TRIM33: variants seen among roughly 807,000 people sequenced by gnomAD.
TRIM33 encodes the protein tripartite motif containing 33, also known as E3 ubiquitin-protein ligase TRIM33.
TRIM33 carries 20 observed loss-of-function variants against 125.4 expected under a neutral mutation model. The observed-to-expected ratio is 0.16, with a 90% CI of 0.11 to 0.23. The LOEUF (loss-of-function observed/expected upper bound fraction) is 0.23. Ranked by LOEUF, TRIM33 falls within the 10% of genes least tolerant of loss-of-function variation. The pLI is 1.00. For synonymous variants in TRIM33, 564 were observed against 513.9 expected (o/e 1.10, Z -1.32); for missense variants, 920 against 1,411.4 (o/e 0.65, Z 5.58).
Position 114,397,558 on chromosome 1 carries a change from G to A in TRIM33, c.*90C>T, listed in dbSNP as rs1166155094. 7.3e-6 allele frequency: 7 copies of A among 963,984 alleles called. No homozygotes were observed. Among genetic ancestry groups the A allele is most frequent in the Non-Finnish European group, 1.1e-5 (7 of 647,962 alleles). The allele number at this position is 963,984 out of a possible 1,614,324, so 59.7% of individuals were successfully genotyped here. ...TGCCCACTGTAGGCAGGATATTCCA[G>A]CAACACTTAAAAGTTTTCTGGGTTT... is the stretch of plus-strand genomic sequence containing the variant. On this transcript the variant is annotated 3_prime_UTR_variant, in exon 20 of 20. Transcript: ENST00000358465.
intron 11 of TRIM33, among the ~76,000 whole-genome samples, chr1:114,419,305 A>G (rs1168862510): frequency 6.6e-6 from 1 of 151,768 alleles, no homozygotes; most frequent in Non-Finnish European, 1.5e-5. Flanking sequence ...TAATAACTCC[A>G]CCTCCTGCGT....
At chr1:114,466,660 C>T (rs1474933254) in intron 1 of TRIM33, among the ~76,000 whole-genome samples, 1 of 152,192 alleles carries the variant, frequency 6.6e-6, no homozygotes, top group Non-Finnish European at 1.5e-5. Context: ...TGGCAATACT[C>T]CCAGTGTATT....
At chr1:114,463,624 C>T (rs1650121271) in intron 2 of TRIM33, 68 bp from the exon 3 acceptor site, 2 of 858,692 alleles carry the variant, frequency 2.3e-6, no homozygotes, top group Admixed American at 2.5e-5. Context: ...AAAAAAAAAA[C>T]TTGTTCTTCA....
intron 1 of TRIM33, among the ~76,000 whole-genome samples, chr1:114,489,673 A>T (rs982466948): frequency 1.3e-5 from 2 of 152,100 alleles, no homozygotes; most frequent in African/African-American, 4.8e-5. Flanking sequence ...TGAGCCCACA[A>T]GGTTGAGGCT....
chr1:114,507,643 G>C (rs761449902), intron 1 of TRIM33, among the ~76,000 whole-genome samples: 2 of 152,154 alleles, frequency 1.3e-5, no homozygotes, highest in Non-Finnish European at 2.9e-5. Flanking sequence ...ACATTTTAAA[G>C]GGAAACTGAA....
Position 114,397,578 on chromosome 1 carries a change from GGGTTTTT to G in TRIM33, c.*63_*69del, listed in dbSNP as rs1651604453. On this transcript the variant is annotated 3_prime_UTR_variant, in exon 20 of 20. Coordinates refer to ENST00000358465, the MANE Select transcript of TRIM33 (RefSeq NM_015906.4). ...TTCCAGCAACACTTAAAAGTTTTCT[GGGTTTTT>G]TGTGTTTTTTTTTTTTTTTTCGTTT... 3.9e-5 allele frequency: 48 copies of G among 1,228,262 alleles called. 1 individual carries two copies. In the South Asian group the frequency reaches 4.6e-4, roughly 12 times the overall value. The allele number at this position is 1,228,262 out of a possible 1,614,324, so 76.1% of individuals were successfully genotyped here.
intron 1 of TRIM33, among the ~76,000 whole-genome samples, chr1:114,504,424 T>A (rs548396514): frequency 6.6e-6 from 1 of 152,292 alleles, no homozygotes; most frequent in Admixed American, 6.5e-5. Flanking sequence ...CACCTCGGCC[T>A]CCCAAATGGA....
rs1653294583 is a variant in TRIM33, at chr1:114,510,744, T to C, written c.333A>G (p.Ala111=). Residue 111 remains alanine, a synonymous_variant, in exon 1 of 20, where the codon GCA becomes GCG. Coordinates refer to ENST00000358465, the MANE Select transcript of TRIM33 (RefSeq NM_015906.4). The part of the protein sequence containing the change: ...PASAPAPGPS[A]GPPPGPPASL... Reference sequence around the variant, plus strand: ...AGGCTGGCGGTCCAGGAGGCGGCCCTGCCGAGGGACCCGGAGCGGGAGCCG... The same window carrying C: ...AGGCTGGCGGTCCAGGAGGCGGCCCCGCCGAGGGACCCGGAGCGGGAGCCG... 2 of 1,524,706 alleles carry C rather than the reference T, an allele frequency of 1.3e-6. No individual in the cohort carries two copies. Among genetic ancestry groups the C allele is most frequent in the African/African-American group, 1.4e-5 (1 of 71,922 alleles). The allele number at this position is 1,524,706 out of a possible 1,614,324, so 94.4% of individuals were successfully genotyped here.
At chr1:114,487,988 T>TA (rs1325135143) in intron 1 of TRIM33, among the ~76,000 whole-genome samples, 1 of 150,618 alleles carries the variant, frequency 6.6e-6, no homozygotes, top group African/African-American at 2.4e-5. Flanking sequence ...TGAGAGCTTA[T>TA]AAAAAAGATC....
rs529450792 is a variant in TRIM33, at chr1:114,480,508, C to T, written c.527-16120G>A. On this transcript the variant is annotated intron_variant, in intron 1 of 19. Coordinates refer to ENST00000358465, the MANE Select transcript of TRIM33 (RefSeq NM_015906.4). ...AAAAAAAAAAAAAGAAGTGAAAAGG[C>T]CCTGCCCCGCCTTAAAAAAAAAAAA... is the stretch of plus-strand genomic sequence containing the variant. Among the ~76,000 whole-genome samples, 54 of 111,198 alleles carry T rather than the reference C, an allele frequency of 4.9e-4. 1 individual carries two copies. Among genetic ancestry groups the T allele is most frequent in the Admixed American group, 1.2e-3 (14 of 11,856 alleles). The allele number at this position is 111,198 out of a possible 152,430, so 73.0% of individuals were successfully genotyped here.
chr1:114,400,940 A>G (rs1214445431), intron 17 of TRIM33, among the ~76,000 whole-genome samples: 1 of 152,206 alleles, frequency 6.6e-6, no homozygotes, highest in Non-Finnish European at 1.5e-5. Flanking sequence ...GAGGTAAAAA[A>G]TCGTGTCAGA....
rs562594549 is a variant in TRIM33 at position 114,439,854 on chromosome 1, T to C, written c.924-6121A>G. On this transcript the variant is annotated intron_variant, in intron 4 of 19. Transcript: ENST00000358465. The stretch of plus-strand genomic sequence containing the variant: ...AACAAAAATAAAACAGATTTCTTGA[T>C]GGAAACAATGAGAGTGGAGCAACAT... 6.6e-4 allele frequency among the ~76,000 whole-genome samples: 101 copies of C among 152,292 alleles called. 1 individual carries two copies. Among genetic ancestry groups the C allele is most frequent in the African/African-American group, 2.4e-3 (100 of 41,560 alleles).
intron 6 of TRIM33, 80 bp from the exon 7 acceptor site, chr1:114,427,974 A>ATACC (rs1273314331): frequency 2.1e-6 from 3 of 1,427,388 alleles, no homozygotes; most frequent in Non-Finnish European, 2.9e-6. Flanking sequence ...AATGGGCACA[A>ATACC]TACCTATACT....
At chr1:114,464,678 G>T (rs1056612468) in intron 1 of TRIM33, among the ~76,000 whole-genome samples, 10 of 152,196 alleles carry the variant, frequency 6.6e-5, no homozygotes, top group African/African-American at 2.4e-4. Context: ...CGGAAACTAT[G>T]AATATTAATT....
intron 15 of TRIM33, among the ~76,000 whole-genome samples, chr1:114,403,167 G>C (rs948346155): frequency 6.6e-6 from 1 of 152,136 alleles, no homozygotes; most frequent in Non-Finnish European, 1.5e-5. Context: ...TGCAGCATAA[G>C]GCCTAAGACC....
chr1:114,480,736 T>C (rs974896073), intron 1 of TRIM33, among the ~76,000 whole-genome samples: 2 of 151,960 alleles, frequency 1.3e-5, no homozygotes, highest in African/African-American at 2.4e-5. Flanking sequence ...AAAGAAGAGA[T>C]TGTCAAACTG....
At position 114,464,408 on chromosome 1, in the gene TRIM33, C is replaced by T. The variant is rs1294571670; in HGVS notation, c.527-20G>A. The T allele has an allele frequency of 5.2e-6, 7 of 1,357,102 alleles. No homozygotes were observed. In the East Asian group the frequency reaches 1.4e-4, roughly 28 times the overall value. 84.1% of individuals were successfully genotyped at this position (1,357,102 alleles called of 1,614,324 possible). A position where few individuals can be genotyped will look rare whatever the true frequency, so the allele number is the denominator to read the frequency against. The stretch of plus-strand genomic sequence containing the variant: ...CACCAACTACAACATAAAATAACAA[C>T]ATTTTAAAATATTCTTCAGGAATAA... On this transcript the variant is annotated intron_variant, in intron 1 of 19. Coordinates refer to ENST00000358465, the MANE Select transcript of TRIM33 (RefSeq NM_015906.4).
rs1427757603 is a variant in TRIM33 at position 114,510,797 on chromosome 1, C to G, written c.280G>C (p.Val94Leu). The G allele has an allele frequency of 2.0e-6, 3 of 1,519,388 alleles. No homozygotes were observed. Among genetic ancestry groups the G allele is most frequent in the Middle Eastern group, 2.2e-4 (1 of 4,546 alleles). 94.1% of individuals were successfully genotyped at this position (1,519,388 alleles called of 1,614,324 possible). The change falls in exon 1 of 20, where the codon GTA (valine) becomes CTA (leucine). Residue 94 changes from valine to leucine, a missense_variant. By Grantham distance (32) the Val-to-Leu change is conservative. Around this residue, in one of 8 missense-constraint regions of TRIM33, gnomAD observed 233 missense variants for 189.6 expected, o/e 1.23. Coordinates refer to ENST00000358465, the MANE Select transcript of TRIM33 (RefSeq NM_015906.4). Reference sequence around the variant, plus strand: ...GCTGGAGCTGGAGCCGGCGTCGATACTGCGCCCCCGGCAACTCCAGTGCCC... The same window carrying G: ...GCTGGAGCTGGAGCCGGCGTCGATAGTGCGCCCCCGGCAACTCCAGTGCCC... The part of the protein sequence containing the change: ...SVGTGVAGGA[V>L]STPAPAPASA...
intron 4 of TRIM33, among the ~76,000 whole-genome samples, chr1:114,435,815 C>T (rs970685576): frequency 1.2e-4 from 18 of 149,216 alleles, no homozygotes; most frequent in Admixed American, 1.2e-3. Flanking sequence ...CAGCCTCAAA[C>T]TCATAAGCCC....
Sources: gnomAD v4.1 joint callset for allele counts (sites outside exome capture counted in the v4.1 genomes callset) on GRCh38, gnomAD v4.1.1 for gene constraint, gnomAD v4.1.1 regional missense constraint, MANE v1.5 for transcripts, NCBI Gene and HGNC (gene_info 2026-07-23, HGNC 2026-07-21) for gene names.